Variants in CNOT6 observed in about 807,000 individuals in gnomAD.
CNOT6 encodes CCR4-NOT transcription complex subunit 6, also known as carbon catabolite repression 4 protein.
Under a neutral mutation model 61.2 loss-of-function variants are expected in CNOT6, and 12 were observed. That is an observed-to-expected ratio of 0.20 (90% CI 0.13 to 0.32). The LOEUF is 0.32. CNOT6 is among the 10% of genes least tolerant of loss of function. The pLI is 1.00. For synonymous variants in CNOT6, 225 were observed against 240.6 expected (o/e 0.94, Z 0.60); for missense variants, 405 against 663.9 (o/e 0.61, Z 4.28).
At position 180,552,866 on chromosome 5, in the gene CNOT6, T is replaced by C. The variant is rs530033466; in HGVS notation, c.300-520T>C. On this transcript the variant is annotated intron_variant, in intron 3 of 11. Transcript: ENST00000261951. Reference sequence around the variant, plus strand: ...ATTTTTTAAATGCAACTTTAGTTGATAGCAATCATAAGCTTAATTATGCAG... The same window carrying C: ...ATTTTTTAAATGCAACTTTAGTTGACAGCAATCATAAGCTTAATTATGCAG... Among the ~76,000 whole-genome samples, 53 of 152,324 alleles carry C rather than the reference T, an allele frequency of 3.5e-4. 1 individual carries two copies. The highest frequency in any genetic ancestry group is 2.2e-4 in the Non-Finnish European group (15 of 68,036).
intron 1 of CNOT6, among the ~76,000 whole-genome samples, chr5:180,512,416 A>G (rs970935143): frequency 6.6e-6 from 1 of 152,194 alleles, no homozygotes; most frequent in Non-Finnish European, 1.5e-5. Context: ...ATAGAAGGAA[A>G]TATTGGGACA....
intron 11 of CNOT6, among the ~76,000 whole-genome samples, chr5:180,572,615 T>C (rs914641463): frequency 2.0e-4 from 31 of 152,240 alleles, no homozygotes; most frequent in African/African-American, 7.5e-4. Context: ...AGTGATGTGA[T>C]GATAACACAC....
At chr5:180,499,403 G>T (rs566176293) in intron 1 of CNOT6, among the ~76,000 whole-genome samples, 1 of 152,344 alleles carries the variant, frequency 6.6e-6, no homozygotes, top group East Asian at 1.9e-4. Flanking sequence ...CTGATGGTTT[G>T]CTAGGATATG....
intron 1 of CNOT6, among the ~76,000 whole-genome samples, chr5:180,521,250 C>G (rs1757866822): frequency 6.6e-6 from 1 of 152,180 alleles, no homozygotes; most frequent in Non-Finnish European, 1.5e-5. Context: ...GGAAAGACAT[C>G]TTCCCTGGCA....
Position 180,565,981 on chromosome 5 carries a change from A to G in CNOT6, c.717+4A>G. 6.2e-7 allele frequency: 1 copy of G among 1,609,586 alleles called. No individual in the cohort carries two copies. The highest frequency in any genetic ancestry group is 8.5e-7 in the Non-Finnish European group (1 of 1,177,332). On this transcript the variant is annotated splice_donor_region_variant and intron_variant, in intron 7 of 11. Transcript: ENST00000261951. ...TGCTGATATCGTAAGTCTTCAGGTAAGTCAGACAGAAGACAGTCAACCTAG... is the reference window on the plus strand; with the variant it reads ...TGCTGATATCGTAAGTCTTCAGGTAGGTCAGACAGAAGACAGTCAACCTAG...
chr5:180,565,683 G>A, intron 6 of CNOT6, 137 bp from the exon 7 acceptor site: 1 of 709,192 alleles, frequency 1.4e-6, no homozygotes. Flanking sequence ...CCCATATGTG[G>A]CGTACAGTAG....
At chr5:180,543,873 C>T (rs570950721) in intron 2 of CNOT6, among the ~76,000 whole-genome samples, 2 of 152,044 alleles carry the variant, frequency 1.3e-5, no homozygotes, top group African/African-American at 4.8e-5. Flanking sequence ...TGCAGTGGCA[C>T]GATCTCAGCT....
rs544919980 is a variant in CNOT6 at position 180,508,138 on chromosome 5, G to A, written c.-3+13375G>A. 3.9e-4 allele frequency among the ~76,000 whole-genome samples: 52 copies of A among 134,138 alleles called. 1 individual carries two copies. The highest frequency in any genetic ancestry group is 1.3e-3 in the African/African-American group (49 of 37,798). The allele number at this position is 134,138 out of a possible 152,430, so 88.0% of individuals were successfully genotyped here. ...TGTTGGAATAGCTCAGGTAAGAGCT[G>A]AGGGAATTAAGGCAGAGTGGGTGAG... On this transcript the variant is annotated intron_variant, in intron 1 of 11. Transcript: ENST00000261951.
rs527603275 is a variant in CNOT6 at position 180,544,036 on chromosome 5, C to T, written c.113-5895C>T. On this transcript the variant is annotated intron_variant, in intron 2 of 11. Coordinates refer to ENST00000261951, the MANE Select transcript of CNOT6 (RefSeq NM_001370472.1). ...CTGTGTTAGCCAGGATGGTCTCGAT[C>T]TCCTGACCTCGTGATCCACCCGCCT... Among the ~76,000 whole-genome samples the T allele has an allele frequency of 5.1e-4, 78 of 152,298 alleles. 1 individual carries two copies. In the South Asian group the frequency reaches 7.0e-3, roughly 14 times the overall value.
intron 2 of CNOT6, among the ~76,000 whole-genome samples, chr5:180,547,303 T>C (rs1759362337): frequency 6.6e-6 from 1 of 152,114 alleles, no homozygotes; most frequent in South Asian, 2.1e-4. Context: ...GCAAATCACC[T>C]GAGGTCAGGT....
rs112687131 is a variant in CNOT6, at chr5:180,571,683, G to A, written c.1461+251G>A. Among the ~76,000 whole-genome samples, 1,198 of 151,914 alleles carry A rather than the reference G, an allele frequency of 7.9e-3. 15 individuals carry two copies. The highest frequency in any genetic ancestry group is 0.027 in the African/African-American group (1,133 of 41,438). ...CCGGCTCAAACGATCCTCTCACCTCGGCCTCCCTAGTAGCTGGGACTACAG... is the reference window on the plus strand; with the variant it reads ...CCGGCTCAAACGATCCTCTCACCTCAGCCTCCCTAGTAGCTGGGACTACAG... On this transcript the variant is annotated intron_variant, in intron 11 of 11. Coordinates refer to ENST00000261951, the MANE Select transcript of CNOT6 (RefSeq NM_001370472.1).
At chr5:180,547,692 T>C (rs187633030) in intron 2 of CNOT6, among the ~76,000 whole-genome samples, 16 of 152,312 alleles carry the variant, frequency 1.1e-4, no homozygotes, top group Admixed American at 1.0e-3. Context: ...CATGTAATTT[T>C]CTTTTATGAA....
At chr5:180,548,597 C>A (rs773961012) in intron 2 of CNOT6, among the ~76,000 whole-genome samples, 1 of 152,212 alleles carries the variant, frequency 6.6e-6, no homozygotes, top group Non-Finnish European at 1.5e-5. Context: ...TAAGTGCTGT[C>A]CAAGGAGTAA....
intron 3 of CNOT6, among the ~76,000 whole-genome samples, chr5:180,550,669 T>A (rs1380440788): frequency 6.6e-6 from 1 of 152,182 alleles, no homozygotes; most frequent in East Asian, 1.9e-4. Context: ...ATGAGAAAGT[T>A]TGGACAGAGA....
chr5:180,567,340 C>G, intron 8 of CNOT6, 98 bp downstream of exon 8: 1 of 1,032,546 alleles, frequency 9.7e-7, no homozygotes, highest in Non-Finnish European at 1.4e-6. Context: ...GAATGAGGCA[C>G]TATATTATTA....
intron 1 of CNOT6, chr5:180,495,571 TG>T (rs1161512162): frequency 6.6e-6 from 1 of 152,220 alleles, no homozygotes; most frequent in African/African-American, 2.4e-5. Flanking sequence ...TCGAGCTCTT[TG>T]GATTTGTTGT....
At chr5:180,559,495 C>G (rs1347980073) in intron 4 of CNOT6, among the ~76,000 whole-genome samples, 1 of 152,138 alleles carries the variant, frequency 6.6e-6, no homozygotes, top group Non-Finnish European at 1.5e-5. Flanking sequence ...ATTATTACAT[C>G]TGAAGTGAGT....
intron 1 of CNOT6, among the ~76,000 whole-genome samples, chr5:180,501,522 G>T (rs138376956): frequency 1.6e-3 from 245 of 152,294 alleles, no homozygotes; most frequent in African/African-American, 5.2e-3. Context: ...GATAGATTTG[G>T]TCATTGTATA....
intron 10 of CNOT6, among the ~76,000 whole-genome samples, chr5:180,570,250 C>G (rs542581833): frequency 6.6e-6 from 1 of 152,080 alleles, no homozygotes; most frequent in Non-Finnish European, 1.5e-5. Flanking sequence ...CCCAGCTACT[C>G]GGGAGGCTGA....
Sources: allele counts gnomAD v4.1 joint callset (sites outside exome capture counted in the v4.1 genomes callset), GRCh38; gene constraint gnomAD v4.1.1; transcripts MANE v1.5; gene names NCBI Gene and HGNC (gene_info 2026-07-23, HGNC 2026-07-21).